Variants in ACBD5 observed in about 807,000 individuals in gnomAD.
ACBD5 encodes the protein acyl-CoA-binding domain-containing protein 5.
Under a neutral mutation model 71.8 loss-of-function variants are expected in ACBD5, and 40 were observed. The observed-to-expected ratio is 0.56, with a 90% CI of 0.43 to 0.72. ACBD5 has a LOEUF of 0.72. ACBD5 is among the 30% of genes least tolerant of loss of function. ACBD5 has a pLI of 0.00. For synonymous variants in ACBD5, 229 were observed against 218.6 expected (o/e 1.05, Z -0.42); for missense variants, 559 against 644.5 (o/e 0.87, Z 1.44).
intron 12 of ACBD5, among the ~76,000 whole-genome samples, chr10:27,203,889 G>C (rs544602654): frequency 6.6e-6 from 1 of 151,802 alleles, no homozygotes; most frequent in South Asian, 2.1e-4. Flanking sequence ...CTCCTGCTTC[G>C]CCCTCCCCAA....
rs59116633 is a variant in ACBD5, at chr10:27,215,807, C to T, written c.830-166G>A. ...TTCTACCTCTCGGGTTCAAGTGATT[C>T]TCCTGCCTCAGCCTCCCAAGTAGCT... On this transcript the variant is annotated intron_variant, in intron 7 of 12. Coordinates refer to ENST00000396271, the MANE Select transcript of ACBD5 (RefSeq NM_145698.5). Among the ~76,000 whole-genome samples the T allele has an allele frequency of 0.07, 10,557 of 151,864 alleles. 677 individuals carry two copies. Among genetic ancestry groups the T allele is most frequent in the African/African-American group, 0.17 (7,062 of 41,336 alleles).
rs1408070073 is a variant in ACBD5 at position 27,196,272 on chromosome 10, A to C, written c.*1158T>G. The C allele has an allele frequency of 6.6e-6, 3 of 454,164 alleles. No homozygotes were observed. In the Admixed American group the frequency reaches 7.0e-5, roughly 11 times the overall value. The allele number at this position is 454,164 out of a possible 1,614,324, so 28.1% of individuals were successfully genotyped here. A position where few individuals can be genotyped will look rare whatever the true frequency, so the allele number is the denominator to read the frequency against. Reference sequence around the variant, plus strand: ...AAGCACAAGGTACATCTAAGTGAGCAGGAAGTTTTGGAAGGCATACAGGAA... The same window carrying C: ...AAGCACAAGGTACATCTAAGTGAGCCGGAAGTTTTGGAAGGCATACAGGAA... On this transcript the variant is annotated 3_prime_UTR_variant, in exon 13 of 13. Coordinates refer to ENST00000396271, the MANE Select transcript of ACBD5 (RefSeq NM_145698.5).
chr10:27,199,268 G>C (rs1384581183), intron 12 of ACBD5, among the ~76,000 whole-genome samples: 1 of 149,854 alleles, frequency 6.7e-6, no homozygotes, highest in African/African-American at 2.5e-5. Context: ...TCGGCTCACT[G>C]CAACCTCCAC....
At chr10:27,219,605 C>T in intron 6 of ACBD5, 118 bp downstream of exon 6, 3 of 1,398,662 alleles carry the variant, frequency 2.1e-6, no homozygotes, top group South Asian at 1.2e-5. Context: ...TTTATAAGGT[C>T]AACAGCTTAC....
intron 9 of ACBD5, among the ~76,000 whole-genome samples, chr10:27,209,026 C>CA (rs1331499011): frequency 6.6e-6 from 1 of 152,010 alleles, no homozygotes; most frequent in Non-Finnish European, 1.5e-5. Flanking sequence ...AAATAATACA[C>CA]ATATTTGGAG....
intron 12 of ACBD5, among the ~76,000 whole-genome samples, chr10:27,203,120 G>A (rs1382473063): frequency 6.6e-6 from 1 of 151,528 alleles, no homozygotes; most frequent in Non-Finnish European, 1.5e-5. Flanking sequence ...GACTAGAGGT[G>A]TGCACCACCA....
At chr10:27,240,828 C>A (rs2065412642), upstream of ACBD5, 1 of 1,317,804 alleles carries the variant, frequency 7.6e-7, no homozygotes, top group Non-Finnish European at 1.1e-6. The surrounding 1 kb of genome is among the most constrained non-coding windows in gnomAD (Gnocchi z 4.1). Context: ...CAGCCCCGCC[C>A]CAGAGTCACC....
intron 10 of ACBD5, among the ~76,000 whole-genome samples, chr10:27,208,024 G>T (rs6482604): frequency 8.5e-5 from 13 of 152,082 alleles, no homozygotes; most frequent in African/African-American, 2.9e-4. Flanking sequence ...CGTGAGCCAC[G>T]GCGCCCAGCC....
upstream of ACBD5, chr10:27,242,036 T>G (rs1473254803): frequency 6.6e-6 from 3 of 453,096 alleles, no homozygotes; most frequent in South Asian, 3.1e-5. Context: ...CTCTTCCCTC[T>G]GAGCCGCGGC....
intron 2 of ACBD5, among the ~76,000 whole-genome samples, chr10:27,236,816 C>T (rs1041376895): frequency 2.8e-5 from 4 of 142,574 alleles, no homozygotes; most frequent in South Asian, 2.2e-4. Context: ...ACCTGGAAGA[C>T]GGTGGTTGCA....
intron 13 of ACBD5, among the ~76,000 whole-genome samples, chr10:27,187,871 A>T (rs755036608): frequency 2.6e-5 from 4 of 152,228 alleles, no homozygotes; most frequent in Non-Finnish European, 4.4e-5. Flanking sequence ...TATTTAAAAC[A>T]TGCAACATTA....
downstream of ACBD5, chr10:27,193,554 G>A (rs1419486181): frequency 6.6e-6 from 1 of 152,204 alleles, no homozygotes; most frequent in African/African-American, 2.4e-5. Context: ...TTGCCAATGA[G>A]ATGTGAGGAG....
In ACBD5 at chr10:27,223,330, A is replaced by C. The variant is rs1337984389; in HGVS notation, c.490+8T>G. On this transcript the variant is annotated splice_region_variant and intron_variant, in intron 5 of 12. Coordinates refer to ENST00000396271, the MANE Select transcript of ACBD5 (RefSeq NM_145698.5). ...TGATGAATTTAAAAATAGGTAAAAT[A>C]GTCCAACCTGAGGTTATATCAGAAC... is the stretch of plus-strand genomic sequence containing the variant. 1.3e-6 allele frequency: 2 copies of C among 1,589,600 alleles called. No homozygotes were observed. The highest frequency in any genetic ancestry group is 2.2e-5 in the South Asian group (2 of 90,620).
chr10:27,230,839 A>G (rs1034402141), intron 4 of ACBD5, among the ~76,000 whole-genome samples: 113 of 150,482 alleles, frequency 7.5e-4, no homozygotes, highest in African/African-American at 2.7e-3. Flanking sequence ...TTTAAAATTC[A>G]TGATTTCTTC....
intron 3 of ACBD5, among the ~76,000 whole-genome samples, chr10:27,232,761 A>C (rs2064064605): frequency 6.6e-6 from 1 of 152,194 alleles, no homozygotes; most frequent in South Asian, 2.1e-4. Flanking sequence ...GAGACAGGAA[A>C]TTTTTAAACC....
chr10:27,209,541 T>C (rs373918705), intron 9 of ACBD5, among the ~76,000 whole-genome samples: 1 of 152,284 alleles, frequency 6.6e-6, no homozygotes, highest in African/African-American at 2.4e-5. Flanking sequence ...TAGGCTGGTC[T>C]TGAACTCCTG....
rs2059446280 is a variant in ACBD5, at chr10:27,197,154, T to G, written c.*276A>C. The stretch of plus-strand genomic sequence containing the variant: ...TGTTACCAAATGATCATTAATAATT[T>G]AATGTCCTTCAAGTTCAAGGGCAGG... On this transcript the variant is annotated 3_prime_UTR_variant, in exon 13 of 13. Coordinates refer to ENST00000396271, the MANE Select transcript of ACBD5 (RefSeq NM_145698.5). 1.8e-6 allele frequency: 1 copy of G among 543,056 alleles called. No individual in the cohort carries two copies. Among genetic ancestry groups the G allele is most frequent in the Non-Finnish European group, 3.4e-6 (1 of 297,140 alleles). The allele number at this position is 543,056 out of a possible 1,614,324, so 33.6% of individuals were successfully genotyped here.
intron 4 of ACBD5, 83 bp downstream of exon 4, chr10:27,231,665 G>A: frequency 8.3e-7 from 1 of 1,204,884 alleles, no homozygotes; most frequent in Non-Finnish European, 1.2e-6. Context: ...TCTCCTTAAA[G>A]CAAAGCAGCT....
rs11375772 is a variant in ACBD5, at chr10:27,230,098, T to TAA, written c.375+1648_375+1649dup. Among the ~76,000 whole-genome samples the TAA allele has an allele frequency of 3.8e-3, 542 of 144,010 alleles. 2 individuals carry two copies. The highest frequency in any genetic ancestry group is 0.016 in the South Asian group (75 of 4,632). The allele number at this position is 144,010 out of a possible 152,430, so 94.5% of individuals were successfully genotyped here. On this transcript the variant is annotated intron_variant, in intron 4 of 12. Coordinates refer to ENST00000396271, the MANE Select transcript of ACBD5 (RefSeq NM_145698.5). ...CTAAAAATTATAAAGAAATTTAAGG[T>TAA]AAAAAAAAAAAAAAGAGAAATAGTT... is the stretch of plus-strand genomic sequence containing the variant.
Sources: allele counts gnomAD v4.1 joint callset (sites outside exome capture counted in the v4.1 genomes callset), GRCh38; gene constraint gnomAD v4.1.1; non-coding constraint Gnocchi (gnomAD v3.1); transcripts MANE v1.5; gene names NCBI Gene and HGNC (gene_info 2026-07-23, HGNC 2026-07-21).